RREB1: variants seen among roughly 807,000 people sequenced by gnomAD.
RREB1 encodes ras responsive element binding protein 1.
Under a neutral mutation model 117.8 loss-of-function variants are expected in RREB1, and 27 were observed. The observed-to-expected ratio is 0.23, with a 90% CI of 0.17 to 0.32. RREB1 has a LOEUF of 0.32. Among genes scored for constraint, RREB1 ranks in the 10% least tolerant of loss-of-function variants. The pLI is 1.00. For missense variants in RREB1, 2,577 were observed against 2,378.2 expected (o/e 1.08, Z -1.74); for synonymous variants, 1,298 against 1,026.7 (o/e 1.26, Z -5.05).
chr6:7,158,159 A>G (rs2113452786), intron 1 of RREB1, among the ~76,000 whole-genome samples: 1 of 151,878 alleles, frequency 6.6e-6, no homozygotes, highest in East Asian at 1.9e-4. Context: ...CCCCCTAACA[A>G]TCTAAAACTT....
chr6:7,108,334 C>G (rs1433488442), intron 1 of RREB1, among the ~76,000 whole-genome samples: 2 of 152,002 alleles, frequency 1.3e-5, no homozygotes, highest in African/African-American at 4.8e-5. Flanking sequence ...CCTCCTCCTC[C>G]TCCTCCCCTT....
chr6:7,157,433 CAAA>C (rs57996771), intron 1 of RREB1, among the ~76,000 whole-genome samples: 1 of 137,500 alleles, frequency 7.3e-6, no homozygotes, highest in African/African-American at 2.7e-5. Flanking sequence ...GACTCCATCT[CAAA>C]AAAAAAAAAA....
chr6:7,223,980 G>A (rs1190284946), intron 8 of RREB1, among the ~76,000 whole-genome samples: 3 of 152,056 alleles, frequency 2.0e-5, no homozygotes, highest in African/African-American at 7.2e-5. Flanking sequence ...GAAAAGAATA[G>A]TCTCTGTGGA....
rs763406272 is a variant in RREB1 at position 7,229,811 on chromosome 6, C to T, written c.1712C>T (p.Pro571Leu). 1 of 1,610,664 alleles carries T rather than the reference C, an allele frequency of 6.2e-7. No individual in the cohort carries two copies. Among genetic ancestry groups the T allele is most frequent in the African/African-American group, 1.3e-5 (1 of 74,986 alleles). Residue 571 changes from proline to leucine, a missense_variant, in exon 10 of 13, where the codon CCC becomes CTC. Transcript: ENST00000379938. This position sits in a 1 kb window ranked among gnomAD's most constrained non-coding sequence, Gnocchi z 4.5. ...HLLQSKSGTQ[P>L]HAATRLSLQQ... Reference sequence around the variant, plus strand: ...CTGCAGTCCAAGTCCGGGACCCAGCCCCACGCGGCCACGCGGCTCTCCCTG... The same window carrying T: ...CTGCAGTCCAAGTCCGGGACCCAGCTCCACGCGGCCACGCGGCTCTCCCTG...
chr6:7,169,684 G>A (rs1163581541), intron 1 of RREB1, among the ~76,000 whole-genome samples: 1 of 152,220 alleles, frequency 6.6e-6, no homozygotes, highest in East Asian at 1.9e-4. Context: ...GCTACAAGAA[G>A]TGGAGTCAGC....
At chr6:7,168,382 A>T (rs1670199790) in intron 1 of RREB1, among the ~76,000 whole-genome samples, 1 of 152,126 alleles carries the variant, frequency 6.6e-6, no homozygotes, top group Admixed American at 6.5e-5. Context: ...GTTATGCAAG[A>T]TAGATTGTCC....
chr6:7,189,162 AACACAG>A lies in RREB1; in HGVS notation c.270_275del (p.Asp91_Thr92del). 6.2e-7 allele frequency: 1 copy of A among 1,612,628 alleles called. No homozygotes were observed. Among genetic ancestry groups the A allele is most frequent in the African/African-American group, 1.3e-5 (1 of 75,032 alleles). On this transcript the variant is annotated inframe_deletion, in exon 6 of 13. Coordinates refer to ENST00000379938, the MANE Select transcript of RREB1 (RefSeq NM_001003699.4). ...CTGTGACCATTGCTTTCTGCAGCAC[AACACAG>A]ACACTGGAGGAGCCGACCACTCATG...
chr6:7,248,467 T>G (rs1213409308), intron 12 of RREB1, 44 bp from the exon 13 acceptor site: 1 of 1,549,504 alleles, frequency 6.5e-7, no homozygotes, highest in East Asian at 2.2e-5. Context: ...CAGTGGGTAC[T>G]GGTGCCTTTT....
chr6:7,168,657 G>A (rs1301317572), intron 1 of RREB1, among the ~76,000 whole-genome samples: 1 of 152,228 alleles, frequency 6.6e-6, no homozygotes, highest in Non-Finnish European at 1.5e-5. Context: ...TGTGCAATGA[G>A]TGTGCCCCTC....
Position 7,230,475 on chromosome 6 carries a change from C to T in RREB1, c.2376C>T (p.Cys792=), listed in dbSNP as rs755051284. 3.1e-6 allele frequency: 5 copies of T among 1,594,434 alleles called. 1 individual carries two copies. The highest frequency in any genetic ancestry group is 2.7e-5 in the African/African-American group (2 of 74,826). The change falls in exon 10 of 13, where the codon TGC becomes TGT. Residue 792 remains cysteine (C), a synonymous_variant. Transcript: ENST00000379938. ...GGHKGRKPFE[C]KECSAAFAAK... ...ACAAGGGCCGCAAGCCCTTCGAGTG[C>T]AAGGAGTGCAGCGCCGCGTTCGCGG... is the stretch of plus-strand genomic sequence containing the variant.
At chr6:7,168,996 G>A (rs1438560108) in intron 1 of RREB1, among the ~76,000 whole-genome samples, 1 of 147,562 alleles carries the variant, frequency 6.8e-6, no homozygotes, top group Non-Finnish European at 1.5e-5. Context: ...TGTCACAAGT[G>A]TTAGTGCCCT....
chr6:7,176,330 A>G (rs1764497911), intron 1 of RREB1, among the ~76,000 whole-genome samples: 1 of 152,152 alleles, frequency 6.6e-6, no homozygotes, highest in South Asian at 2.1e-4. Flanking sequence ...TGCTGTGAAC[A>G]TGCCATTAGG....
At chr6:7,191,285 A>G (rs551146623) in intron 6 of RREB1, among the ~76,000 whole-genome samples, 2 of 151,906 alleles carry the variant, frequency 1.3e-5, no homozygotes, top group Non-Finnish European at 2.9e-5. Flanking sequence ...TAAAGTGTGC[A>G]CTTCAGTGGG....
Position 7,199,516 on chromosome 6 carries a change from CAT to C in RREB1, c.425+10195_425+10196del, listed in dbSNP as rs546387483. Reference sequence around the variant, plus strand: ...AGAACCTGGTAACAGTGCTGTGTATCATGTGCTGAATTTCCATGGCCAAGTTG... The same window carrying C: ...AGAACCTGGTAACAGTGCTGTGTATCGTGCTGAATTTCCATGGCCAAGTTG... On this transcript the variant is annotated intron_variant, in intron 6 of 12. Coordinates refer to ENST00000379938, the MANE Select transcript of RREB1 (RefSeq NM_001003699.4). Among the ~76,000 whole-genome samples the C allele has an allele frequency of 5.4e-3, 816 of 152,270 alleles. 4 individuals are homozygous for C. Among genetic ancestry groups the C allele is most frequent in the Non-Finnish European group, 7.8e-3 (528 of 68,022 alleles).
At chr6:7,170,231 G>T (rs912327555) in intron 1 of RREB1, among the ~76,000 whole-genome samples, 2 of 152,210 alleles carry the variant, frequency 1.3e-5, no homozygotes, top group Non-Finnish European at 2.9e-5. Context: ...AATGACCTCT[G>T]ATTTTCCTTC....
rs760574142 is a variant in RREB1 at position 7,231,624 on chromosome 6, C to T, written c.3525C>T (p.Ser1175=). Residue 1175 remains serine (S), a synonymous_variant, in exon 10 of 13, where the codon AGC becomes AGT. Transcript: ENST00000379938. ...GCGGCGGGGTGGACCTGGACTCCAGCGGGGAGTTTGCCAGCATCGAGAAGA... is the reference window on the plus strand; with the variant it reads ...GCGGCGGGGTGGACCTGGACTCCAGTGGGGAGTTTGCCAGCATCGAGAAGA... ...ANSGGVDLDS[S]GEFASIEKML... is the part of the protein sequence containing the mutation. The T allele has an allele frequency of 1.2e-5, 19 of 1,611,642 alleles. No individual in the cohort carries two copies. Among genetic ancestry groups the T allele is most frequent in the African/African-American group, 5.3e-5 (4 of 74,868 alleles).
At chr6:7,131,753 C>T (rs1762165478) in intron 1 of RREB1, among the ~76,000 whole-genome samples, 2 of 152,168 alleles carry the variant, frequency 1.3e-5, no homozygotes, top group South Asian at 2.1e-4. Flanking sequence ...GTAAGCCACA[C>T]GCCCGGCCAA....
chr6:7,129,854 G>A (rs539024480), intron 1 of RREB1, among the ~76,000 whole-genome samples: 144 of 152,244 alleles, frequency 9.5e-4, no homozygotes, highest in African/African-American at 3.3e-3. Flanking sequence ...GCTTGTTTAC[G>A]GAACTGATTT....
intron 1 of RREB1, among the ~76,000 whole-genome samples, chr6:7,156,983 G>T (rs899959386): frequency 4.6e-5 from 7 of 152,200 alleles, no homozygotes; most frequent in Non-Finnish European, 1.0e-4. Flanking sequence ...GTCCCTGGCT[G>T]TTGGGGAGGA....
Sources: gnomAD v4.1 joint callset for allele counts (sites outside exome capture counted in the v4.1 genomes callset) on GRCh38, gnomAD v4.1.1 for gene constraint, Gnocchi (gnomAD v3.1) non-coding constraint, MANE v1.5 for transcripts, NCBI Gene and HGNC (gene_info 2026-07-23, HGNC 2026-07-21) for gene names.